The following ITSN1 variants were observed in gnomAD, a reference collection of about 807,000 sequenced individuals.
ITSN1 encodes the protein intersectin-1.
Under a neutral mutation model 239.8 loss-of-function variants are expected in ITSN1, and 58 were observed. That is an observed-to-expected ratio of 0.24 (90% CI 0.20 to 0.30). The LOEUF (loss-of-function observed/expected upper bound fraction) is 0.30. Among genes scored for constraint, ITSN1 ranks in the 10% least tolerant of loss-of-function variants. The pLI, the probability that ITSN1 is intolerant of heterozygous loss-of-function variation, is 1.00. For synonymous variants in ITSN1, 780 were observed against 770.8 expected, an observed-to-expected ratio of 1.01 and a Z score of -0.20; for missense variants, 1,558 against 2,103.3, an observed-to-expected ratio of 0.74 and a Z score of 5.07.
At chr21:33,696,138 A>G (rs757751826) in intron 1 of ITSN1, among the ~76,000 whole-genome samples, 2 of 152,116 alleles carry the variant, frequency 1.3e-5, no homozygotes, top group African/African-American at 2.4e-5. Context: ...CTTTGCTCTC[A>G]TTCGTGATAC....
intron 34 of ITSN1, among the ~76,000 whole-genome samples, chr21:33,876,109 CTTT>C (rs1983732584): frequency 7.3e-4 from 2 of 2,740 alleles, no homozygotes; most frequent in Admixed American, 4.6e-3. Context: ...TTCCTTCTTT[CTTT>C]CTTTCTTTCT....
rs1412002848 is a variant in ITSN1, at chr21:33,695,104, C to T, written c.-32-23693C>T. Among the ~76,000 whole-genome samples the T allele has an allele frequency of 5.3e-5, 8 of 152,180 alleles. No homozygotes were observed. In the South Asian group the frequency reaches 6.2e-4, roughly 12 times the overall value. ...TGCTGGGATTACAGGCGTGAGCCAC[C>T]GTGCCCGGCCACTTTTTTCTACTCT... On this transcript the variant is annotated intron_variant, in intron 1 of 39. Coordinates refer to ENST00000381318, the MANE Select transcript of ITSN1 (RefSeq NM_003024.3).
At chr21:33,781,820 C>A (rs2070213113) in intron 15 of ITSN1, among the ~76,000 whole-genome samples, 174 bp from the exon 16 acceptor site, 1 of 152,128 alleles carries the variant, frequency 6.6e-6, no homozygotes, top group Non-Finnish European at 1.5e-5. Flanking sequence ...CCCAGGTGAT[C>A]CATCCACTTT....
chr21:33,734,115 A>T (rs2066351304), intron 4 of ITSN1, among the ~76,000 whole-genome samples: 2 of 152,116 alleles, frequency 1.3e-5, no homozygotes, highest in African/African-American at 4.8e-5. Context: ...ATATTGGTTT[A>T]AAAAAATCCT....
intron 5 of ITSN1, among the ~76,000 whole-genome samples, chr21:33,743,441 C>T (rs1016910405): frequency 2.0e-5 from 3 of 151,982 alleles, no homozygotes; most frequent in Non-Finnish European, 4.4e-5. Flanking sequence ...ACTCCAGCCT[C>T]GGGGATAGAG....
intron 31 of ITSN1, among the ~76,000 whole-genome samples, chr21:33,861,991 T>C (rs1295101969): frequency 1.7e-5 from 1 of 58,168 alleles, no homozygotes; most frequent in Non-Finnish European, 3.0e-5. Flanking sequence ...TCATCTCTAC[T>C]AAAAAAAAAA....
intron 8 of ITSN1, among the ~76,000 whole-genome samples, chr21:33,761,157 C>G (rs992654747): frequency 2.0e-5 from 3 of 151,874 alleles, no homozygotes; most frequent in South Asian, 4.2e-4. Flanking sequence ...CTCACTGCAG[C>G]CTCCGCCTCT....
intron 1 of ITSN1, among the ~76,000 whole-genome samples, chr21:33,716,719 C>T (rs1030733752): frequency 1.3e-5 from 2 of 151,604 alleles, no homozygotes; most frequent in East Asian, 1.9e-4. Context: ...AAGAGACGAC[C>T]GAGACAGGCG....
chr21:33,850,642 CA>C (rs1247411685), intron 29 of ITSN1, among the ~76,000 whole-genome samples: 1 of 152,218 alleles, frequency 6.6e-6, no homozygotes, highest in Admixed American at 6.5e-5. Flanking sequence ...TGCTGCTTCA[CA>C]GCAGGAGTAC....
At chr21:33,847,039 G>T (rs1000486790) in intron 29 of ITSN1, among the ~76,000 whole-genome samples, 1 of 152,234 alleles carries the variant, frequency 6.6e-6, no homozygotes, top group Non-Finnish European at 1.5e-5. Context: ...CGCTGTGAAT[G>T]AGCAGGAAAT....
chr21:33,887,012 C>G (rs1290548329), intron 39 of ITSN1, among the ~76,000 whole-genome samples: 3 of 152,116 alleles, frequency 2.0e-5, no homozygotes, highest in Non-Finnish European at 2.9e-5. Flanking sequence ...CTACCTGTCT[C>G]TCCCTCAACC....
chr21:33,776,522 G>A lies in ITSN1; in HGVS notation c.1596+1414G>A, dbSNP rs116468500. Among the ~76,000 whole-genome samples, 267 of 149,396 alleles carry A rather than the reference G, an allele frequency of 1.8e-3. 1 individual carries two copies. Among genetic ancestry groups the A allele is most frequent in the African/African-American group, 5.7e-3 (232 of 40,412 alleles). ...CTATGATTGAGCCACTGACTGCCTG[G>A]GCCACAGAATGAGACCCTGTTCAAA... is the stretch of plus-strand genomic sequence containing the variant. On this transcript the variant is annotated intron_variant, in intron 14 of 39. Coordinates refer to ENST00000381318, the MANE Select transcript of ITSN1 (RefSeq NM_003024.3).
chr21:33,829,669 A>G lies in ITSN1; in HGVS notation c.3275A>G (p.Gln1092Arg). Residue 1092 changes from glutamine (Q) to arginine (R), a missense_variant, in exon 27 of 40, where the codon CAG becomes CGG. Gln to Arg is a conservative substitution (Grantham distance 43, BLOSUM62 1). Coordinates refer to ENST00000381318, the MANE Select transcript of ITSN1 (RefSeq NM_003024.3). ...IASYTATGPEQLTLAPGQLIL... is the reference protein window; with the variant it reads ...IASYTATGPERLTLAPGQLIL... ...TCATACACCGCCACCGGCCCCGAGC[A>G]GCTCACTCTCGCCCCTGGTCAGCTG... is the stretch of plus-strand genomic sequence containing the variant. 2 of 1,612,670 alleles carry G rather than the reference A, an allele frequency of 1.2e-6. No homozygotes were observed. Among genetic ancestry groups the G allele is most frequent in the Non-Finnish European group, 1.7e-6 (2 of 1,179,912 alleles).
chr21:33,821,277 T>C (rs960952041), intron 24 of ITSN1, among the ~76,000 whole-genome samples: 5 of 61,724 alleles, frequency 8.1e-5, no homozygotes, highest in African/African-American at 3.4e-4. Context: ...CTGATCTTAG[T>C]TTGTATTTAT....
chr21:33,762,155 A>G (rs966103670), intron 9 of ITSN1, among the ~76,000 whole-genome samples, 169 bp downstream of exon 9: 15 of 152,202 alleles, frequency 9.9e-5, no homozygotes, highest in Non-Finnish European at 1.9e-4. Context: ...TCCCCTCTCA[A>G]TTTTGAAAAA....
At chr21:33,792,863 G>A (rs145962637) in intron 16 of ITSN1, among the ~76,000 whole-genome samples, 3,073 of 152,054 alleles carry the variant, frequency 0.02, 66 homozygotes, top group Non-Finnish European at 0.03. Flanking sequence ...CCCTACTGAA[G>A]CCCCTTCTTC....
chr21:33,810,821 G>A, intron 20 of ITSN1, 154 bp from the exon 21 acceptor site: 4 of 889,802 alleles, frequency 4.5e-6, no homozygotes, highest in Non-Finnish European at 7.6e-6. Context: ...TTACTGCTTA[G>A]ACTCTTTTCC....
chr21:33,821,014 A>T (rs1186583845), intron 24 of ITSN1, among the ~76,000 whole-genome samples: 1 of 152,262 alleles, frequency 6.6e-6, no homozygotes, highest in East Asian at 1.9e-4. Context: ...GAGGTAGGAA[A>T]TTATTACAAG....
At chr21:33,775,319 A>G (rs1054871672) in intron 14 of ITSN1, among the ~76,000 whole-genome samples, 27 of 152,332 alleles carry the variant, frequency 1.8e-4, no homozygotes, top group African/African-American at 6.5e-4. Context: ...GCTTCGGGCC[A>G]GGTGCTTTTG....
Sources: gnomAD v4.1 joint callset for allele counts (sites outside exome capture counted in the v4.1 genomes callset) on GRCh38, gnomAD v4.1.1 for gene constraint, MANE v1.5 for transcripts, NCBI Gene and HGNC (gene_info 2026-07-23, HGNC 2026-07-21) for gene names.